The following BMPER variants were observed in gnomAD, a reference collection of about 807,000 sequenced individuals.
BMPER encodes the protein BMP-binding endothelial regulator protein.
BMPER carries 45 observed loss-of-function variants against 87.3 expected under a neutral mutation model. That is an observed-to-expected ratio of 0.52 (90% CI 0.41 to 0.66). The LOEUF (loss-of-function observed/expected upper bound fraction) is 0.66. Ranked by LOEUF, BMPER falls within the 30% of genes least tolerant of loss-of-function variation. BMPER has a pLI of 0.00. For missense variants in BMPER, 784 were observed against 867.5 expected (o/e 0.90, Z 1.21); for synonymous variants, 326 against 316.2 (o/e 1.03, Z -0.33).
chr7:34,082,568 A>G (rs1236859229), intron 12 of BMPER, among the ~76,000 whole-genome samples: 2 of 152,148 alleles, frequency 1.3e-5, no homozygotes, highest in Non-Finnish European at 2.9e-5. Context: ...ATTACAAATT[A>G]TTCTCTTACT....
At chr7:33,945,774 T>C (rs574304852) in intron 3 of BMPER, among the ~76,000 whole-genome samples, 3 of 152,266 alleles carry the variant, frequency 2.0e-5, no homozygotes, top group East Asian at 3.9e-4. Flanking sequence ...TGCTCACCAC[T>C]AAGTCTTCAC....
intron 6 of BMPER, among the ~76,000 whole-genome samples, chr7:34,021,524 G>C (rs542251879): frequency 1.3e-5 from 2 of 152,076 alleles, no homozygotes; most frequent in South Asian, 4.1e-4. Flanking sequence ...GTCAGATGAG[G>C]CAATTGTACC....
intron 13 of BMPER, among the ~76,000 whole-genome samples, chr7:34,100,156 G>C (rs1014358287): frequency 6.6e-6 from 1 of 152,176 alleles, no homozygotes; most frequent in Non-Finnish European, 1.5e-5. Context: ...TAAACAGCAT[G>C]ATTCCTGTCT....
chr7:33,984,776 G>C (rs545373821), intron 6 of BMPER, among the ~76,000 whole-genome samples: 1 of 152,180 alleles, frequency 6.6e-6, no homozygotes, highest in Non-Finnish European at 1.5e-5. Context: ...TCACTTCGTT[G>C]TATCCTAGAA....
chr7:34,052,789 A>G (rs530221808), intron 8 of BMPER, among the ~76,000 whole-genome samples: 1 of 152,172 alleles, frequency 6.6e-6, no homozygotes, highest in African/African-American at 2.4e-5. Flanking sequence ...TCTTGATTAC[A>G]TGCTTTGTTC....
intron 6 of BMPER, among the ~76,000 whole-genome samples, chr7:34,024,852 T>C (rs532233027): frequency 1.6e-4 from 25 of 152,176 alleles, no homozygotes; most frequent in African/African-American, 6.0e-4. Context: ...GGTGAATTCA[T>C]TTTATGCAAT....
At chr7:33,974,832 T>G (rs767270219) in intron 6 of BMPER, 48 bp downstream of exon 6, 29 of 1,572,780 alleles carry the variant, frequency 1.8e-5, no homozygotes, top group Non-Finnish European at 2.4e-5. Context: ...GGCAAAGCAC[T>G]TCTTGTACTC....
At chr7:34,143,121 T>G (rs1790915091) in intron 13 of BMPER, 109 bp from the exon 14 acceptor site, 1 of 1,536,636 alleles carries the variant, frequency 6.5e-7, no homozygotes, top group African/African-American at 1.4e-5. Context: ...ACAGCAAATT[T>G]TAATGGGCCA....
At chr7:34,138,228 G>A (rs562170335) in intron 13 of BMPER, among the ~76,000 whole-genome samples, 1 of 152,316 alleles carries the variant, frequency 6.6e-6, no homozygotes. Flanking sequence ...TTTGATGCGG[G>A]AAAATAGTTC....
chr7:34,143,207 T>C (rs779229451), intron 13 of BMPER, 23 bp from the exon 14 acceptor site: 2 of 1,613,680 alleles, frequency 1.2e-6, no homozygotes, highest in Non-Finnish European at 1.7e-6. Context: ...TAAATGTTTC[T>C]ATCTCTCTTT....
At chr7:34,148,187 T>C (rs1370517579) in intron 14 of BMPER, among the ~76,000 whole-genome samples, 1 of 152,154 alleles carries the variant, frequency 6.6e-6, no homozygotes, top group Non-Finnish European at 1.5e-5. Context: ...CCTACCTTTG[T>C]TCCTGCTGTT....
chr7:34,069,900 T>C (rs1192577090), intron 11 of BMPER, among the ~76,000 whole-genome samples: 1 of 152,220 alleles, frequency 6.6e-6, no homozygotes, highest in Non-Finnish European at 1.5e-5. Flanking sequence ...TCATGAATGC[T>C]GTCATTCTTT....
At chr7:33,982,193 C>A (rs1266439634) in intron 6 of BMPER, among the ~76,000 whole-genome samples, 1 of 152,158 alleles carries the variant, frequency 6.6e-6, no homozygotes, top group African/African-American at 2.4e-5. Flanking sequence ...TTGGGAACTT[C>A]GATGCCTGAA....
intron 6 of BMPER, among the ~76,000 whole-genome samples, chr7:34,040,039 T>A (rs1787794975): frequency 6.6e-6 from 1 of 150,862 alleles, no homozygotes; most frequent in South Asian, 2.1e-4. Flanking sequence ...ACCTCTAGGG[T>A]CGGGGAACAA....
chr7:33,999,995 A>G (rs1786535449), intron 6 of BMPER, among the ~76,000 whole-genome samples: 2 of 152,180 alleles, frequency 1.3e-5, no homozygotes, highest in South Asian at 4.1e-4. Context: ...ATAGAGTTTT[A>G]TATTTGTCTG....
intron 6 of BMPER, among the ~76,000 whole-genome samples, chr7:33,984,152 G>A (rs1785935467): frequency 6.6e-6 from 1 of 152,098 alleles, no homozygotes; most frequent in Non-Finnish European, 1.5e-5. Flanking sequence ...TATTGCCTCT[G>A]CTCCCAAAAA....
chr7:34,113,947 A>G (rs1398213920), intron 13 of BMPER, among the ~76,000 whole-genome samples: 1 of 152,158 alleles, frequency 6.6e-6, no homozygotes, highest in Non-Finnish European at 1.5e-5. Context: ...TTTAAGTACA[A>G]CTGTTCCTGT....
chr7:33,978,730 T>C (rs1785759763), intron 6 of BMPER, among the ~76,000 whole-genome samples: 1 of 152,194 alleles, frequency 6.6e-6, no homozygotes, highest in Non-Finnish European at 1.5e-5. Flanking sequence ...TAAAAATGCG[T>C]TTAACACACC....
At chr7:33,928,517 A>G (rs112012891) in intron 2 of BMPER, among the ~76,000 whole-genome samples, 1 of 151,920 alleles carries the variant, frequency 6.6e-6, no homozygotes, top group Non-Finnish European at 1.5e-5. Flanking sequence ...CCATTTCAAA[A>G]TATGATTAAA....
Sources: gnomAD v4.1 joint callset for allele counts (sites outside exome capture counted in the v4.1 genomes callset) on GRCh38, gnomAD v4.1.1 for gene constraint, MANE v1.5 for transcripts, NCBI Gene and HGNC (gene_info 2026-07-23, HGNC 2026-07-21) for gene names.